UNC13C: variants seen among roughly 807,000 people sequenced by gnomAD.
UNC13C encodes protein unc-13 homolog C.
In UNC13C, 174 loss-of-function variants were observed where a neutral mutation model predicts 245.4. That is an observed-to-expected ratio of 0.71 (90% CI 0.63 to 0.80). The LOEUF is 0.80. Ranked by LOEUF, UNC13C falls within the 30% of genes least tolerant of loss-of-function variation. The probability of loss-of-function intolerance (pLI) is 0.00; values close to 1 mark genes in which losing one functional copy is unlikely to be tolerated. For missense variants in UNC13C, 2,829 were observed against 2,602.9 expected, an observed-to-expected ratio of 1.09 and a Z score of -1.89; for synonymous variants, 992 against 895.1, an observed-to-expected ratio of 1.11 and a Z score of -1.93.
intron 1 of UNC13C, among the ~76,000 whole-genome samples, chr15:53,999,107 G>C (rs955261981): frequency 6.6e-6 from 1 of 151,832 alleles, no homozygotes; most frequent in East Asian, 1.9e-4. Context: ...ATGGTTTTGT[G>C]GCCAAATAAA....
chr15:54,453,062 G>T (rs1268676822), intron 19 of UNC13C, among the ~76,000 whole-genome samples: 1 of 152,122 alleles, frequency 6.6e-6, no homozygotes, highest in Non-Finnish European at 1.5e-5. Flanking sequence ...GCTGCTTAGG[G>T]CTTGAGTTTC....
intron 8 of UNC13C, among the ~76,000 whole-genome samples, chr15:54,263,447 C>G (rs2036476975): frequency 6.6e-6 from 1 of 152,092 alleles, no homozygotes; most frequent in Non-Finnish European, 1.5e-5. Flanking sequence ...TTAGAAATCT[C>G]TCACTGACAG....
intron 10 of UNC13C, among the ~76,000 whole-genome samples, chr15:54,280,871 C>T (rs967594627): frequency 6.6e-6 from 1 of 151,612 alleles, no homozygotes; most frequent in Non-Finnish European, 1.5e-5. Flanking sequence ...AATCTCTGCT[C>T]ATGGGAACCT....
chr15:53,992,888 T>C (rs1894454629), intron 1 of UNC13C, among the ~76,000 whole-genome samples: 1 of 152,124 alleles, frequency 6.6e-6, no homozygotes, highest in Non-Finnish European at 1.5e-5. Flanking sequence ...TATGAATCAC[T>C]TCTTCCCCTG....
the UNC13C span, among the ~76,000 whole-genome samples, chr15:53,937,108 A>G: frequency 6.6e-6 from 1 of 152,324 alleles, no homozygotes; most frequent in South Asian, 2.1e-4. Context: ...GCATGTTCTA[A>G]CCCAATGCAA....
the UNC13C span, among the ~76,000 whole-genome samples, chr15:53,898,014 C>G: frequency 6.6e-6 from 1 of 152,140 alleles, no homozygotes; most frequent in African/African-American, 2.4e-5. Flanking sequence ...TTGCTGAGCA[C>G]TGGCATCTTG....
intron 2 of UNC13C, among the ~76,000 whole-genome samples, chr15:54,131,970 G>A (rs1316718852): frequency 6.6e-6 from 1 of 152,072 alleles, no homozygotes; most frequent in African/African-American, 2.4e-5. Flanking sequence ...CTCCATGGCT[G>A]AAGAGTTAGA....
chr15:53,915,463 A>T, the UNC13C span, among the ~76,000 whole-genome samples: 1 of 152,238 alleles, frequency 6.6e-6, no homozygotes, highest in Non-Finnish European at 1.5e-5. Flanking sequence ...ACCTTACCTC[A>T]AATTGTAGTA....
rs1180210234 is a variant in UNC13C at position 54,013,440 on chromosome 15, A to G, written c.537A>G (p.Gly179=). 5.0e-6 allele frequency: 8 copies of G among 1,613,778 alleles called. No individual in the cohort carries two copies. The highest frequency in any genetic ancestry group is 1.6e-4 in the Middle Eastern group (1 of 6,084). The change falls in exon 2 of 33, where the codon GGA becomes GGG. Residue 179 remains glycine (G), a synonymous_variant. Transcript: ENST00000260323. The stretch of plus-strand genomic sequence containing the variant: ...GTACTCTACATGGCTTAAAACTGGG[A>G]GCTTTACGAAAACTGAGAAAATGGA... The part of the protein sequence containing the change: ...GERTLHGLKL[G]ALRKLRKWKK...
chr15:54,294,222 T>G (rs2037373698), intron 11 of UNC13C, among the ~76,000 whole-genome samples, 158 bp downstream of exon 11: 1 of 152,140 alleles, frequency 6.6e-6, no homozygotes. Context: ...AAAAGGCTAT[T>G]CTTTTTTCAA....
At chr15:54,028,187 T>C (rs976930369) in intron 2 of UNC13C, among the ~76,000 whole-genome samples, 2 of 152,190 alleles carry the variant, frequency 1.3e-5, no homozygotes, top group African/African-American at 4.8e-5. Flanking sequence ...TTTTCAGACT[T>C]TCAGTTGATT....
chr15:54,480,706 A>G (rs1893058673), intron 19 of UNC13C, among the ~76,000 whole-genome samples: 1 of 152,014 alleles, frequency 6.6e-6, no homozygotes, highest in Non-Finnish European at 1.5e-5. Flanking sequence ...AGTATTTCAT[A>G]TATTTCCTTT....
chr15:53,972,741 C>T, the UNC13C span: 1 of 151,980 alleles, frequency 6.6e-6, no homozygotes, highest in Non-Finnish European at 1.5e-5. Flanking sequence ...TTGAATAACT[C>T]CTGAATGATT....
chr15:54,272,427 A>G (rs1402377119), intron 10 of UNC13C, among the ~76,000 whole-genome samples: 3 of 152,208 alleles, frequency 2.0e-5, no homozygotes, highest in Non-Finnish European at 2.9e-5. Flanking sequence ...ATAATCATGC[A>G]TCTGATTTAT....
At chr15:54,086,822 G>A (rs1041526111) in intron 2 of UNC13C, among the ~76,000 whole-genome samples, 3 of 133,428 alleles carry the variant, frequency 2.2e-5, no homozygotes, top group African/African-American at 5.5e-5. Context: ...TGCAGCCTCC[G>A]CCCTCCAAGT....
At chr15:53,904,226 A>T in the UNC13C span, among the ~76,000 whole-genome samples, 1 of 152,174 alleles carries the variant, frequency 6.6e-6, no homozygotes, top group South Asian at 2.1e-4. Flanking sequence ...TCAGAATAGT[A>T]CCATATTTAT....
chr15:54,171,511 G>GTCAT (rs2033397350), intron 4 of UNC13C, among the ~76,000 whole-genome samples: 5 of 152,026 alleles, frequency 3.3e-5, no homozygotes. Flanking sequence ...AGTGCTCAAT[G>GTCAT]TCATTGATCA....
chr15:53,886,827 G>C, the UNC13C span, among the ~76,000 whole-genome samples: 1 of 152,110 alleles, frequency 6.6e-6, no homozygotes, highest in Non-Finnish European at 1.5e-5. Flanking sequence ...CTTTACCTCT[G>C]TGATTTACCT....
intron 4 of UNC13C, among the ~76,000 whole-genome samples, chr15:54,228,581 C>T (rs2035461198): frequency 6.6e-6 from 1 of 152,046 alleles, no homozygotes; most frequent in Non-Finnish European, 1.5e-5. Context: ...ATGAATCCTG[C>T]CAGGACTGGA....
Sources: allele counts gnomAD v4.1 joint callset (sites outside exome capture counted in the v4.1 genomes callset), GRCh38; gene constraint gnomAD v4.1.1; transcripts MANE v1.5; gene names NCBI Gene and HGNC (gene_info 2026-07-23, HGNC 2026-07-21).